MSH3: variants seen among roughly 807,000 people sequenced by gnomAD.
The protein encoded by MSH3 is DNA mismatch repair protein Msh3.
Under a neutral mutation model 123.3 loss-of-function variants are expected in MSH3, and 106 were observed. The ratio of observed to expected loss-of-function variants is 0.86; its 90% CI spans 0.73 to 1.01. The LOEUF (loss-of-function observed/expected upper bound fraction) is 1.01, where lower values mean the gene tolerates loss of function less well. MSH3 is among the 50% of genes least tolerant of loss of function. The pLI, the probability that MSH3 is intolerant of heterozygous loss-of-function variation, is 0.00. For missense variants in MSH3, 1,459 were observed against 1,347.6 expected (o/e 1.08, Z -1.29); for synonymous variants, 515 against 481.4 (o/e 1.07, Z -0.91).
chr5:80,753,023 C>T (rs1314411273), intron 12 of MSH3, among the ~76,000 whole-genome samples: 3 of 152,112 alleles, frequency 2.0e-5, no homozygotes, highest in Non-Finnish European at 2.9e-5. Flanking sequence ...GTTAGAGATA[C>T]AGGTAGGCTG....
At chr5:80,813,539 A>G (rs944697714) in intron 19 of MSH3, 45 bp from the exon 20 acceptor site, 1 of 1,606,534 alleles carries the variant, frequency 6.2e-7, no homozygotes, top group African/African-American at 1.3e-5. Context: ...GATATTATCA[A>G]AAACTTTTCT....
intron 19 of MSH3, among the ~76,000 whole-genome samples, chr5:80,799,096 T>C (rs1744747441): frequency 6.6e-6 from 1 of 152,198 alleles, no homozygotes; most frequent in Non-Finnish European, 1.5e-5. Context: ...TTGCTGGGCC[T>C]TAGTTTCCTC....
intron 8 of MSH3, among the ~76,000 whole-genome samples, chr5:80,723,655 A>T (rs1751134590): frequency 6.6e-6 from 1 of 152,274 alleles, no homozygotes; most frequent in South Asian, 2.1e-4. Context: ...GTTATGATAA[A>T]GTACCACTCA....
At chr5:80,708,355 G>A (rs537867854) in intron 8 of MSH3, among the ~76,000 whole-genome samples, 2 of 152,144 alleles carry the variant, frequency 1.3e-5, no homozygotes, top group African/African-American at 4.8e-5. Flanking sequence ...TTCTTTGTAC[G>A]TTTACCAGTT....
chr5:80,807,243 A>G (rs1241612799), intron 19 of MSH3, among the ~76,000 whole-genome samples: 6 of 152,006 alleles, frequency 3.9e-5, no homozygotes, highest in Admixed American at 3.9e-4. Context: ...TTTAAGTGAA[A>G]TGACATATAA....
chr5:80,869,686 A>G (rs962707902), intron 22 of MSH3, among the ~76,000 whole-genome samples: 1 of 151,468 alleles, frequency 6.6e-6, no homozygotes, highest in Non-Finnish European at 1.5e-5. Flanking sequence ...GAAATATTTT[A>G]TGTAAGTTAG....
intron 22 of MSH3, among the ~76,000 whole-genome samples, chr5:80,866,004 G>C (rs1384014537): frequency 6.6e-6 from 1 of 152,140 alleles, no homozygotes; most frequent in Non-Finnish European, 1.5e-5. Flanking sequence ...AAAACCCTTG[G>C]GACAAAGAGA....
chr5:80,682,060 C>T (rs1749981108), intron 8 of MSH3, among the ~76,000 whole-genome samples: 1 of 152,056 alleles, frequency 6.6e-6, no homozygotes, highest in Non-Finnish European at 1.5e-5. Flanking sequence ...TGATCATTTT[C>T]ACTTTATTTG....
chr5:80,720,332 C>G (rs1751053012), intron 8 of MSH3, among the ~76,000 whole-genome samples: 1 of 152,140 alleles, frequency 6.6e-6, no homozygotes, highest in Non-Finnish European at 1.5e-5. Context: ...GCTTTGCCCT[C>G]TTTGCCAACT....
Position 80,662,152 on chromosome 5 carries a change from ATACT to A in MSH3, c.359-2987_359-2984del, listed in dbSNP as rs767775846. Among the ~76,000 whole-genome samples, 20 of 152,350 alleles carry A rather than the reference ATACT, an allele frequency of 1.3e-4. No individual in the cohort carries two copies. In the South Asian group the frequency reaches 2.1e-3, roughly 16 times the overall value. ...TGTTTAAATATGTTTAGATACACAGATACTTACCATTGTGTTACAGTTGTCTCTA... is the reference window on the plus strand; with the variant it reads ...TGTTTAAATATGTTTAGATACACAGATACCATTGTGTTACAGTTGTCTCTA... On this transcript the variant is annotated intron_variant, in intron 2 of 23. Coordinates refer to ENST00000265081, the MANE Select transcript of MSH3 (RefSeq NM_002439.5).
At chr5:80,801,754 T>C (rs1744794391) in intron 19 of MSH3, among the ~76,000 whole-genome samples, 1 of 152,166 alleles carries the variant, frequency 6.6e-6, no homozygotes, top group Non-Finnish European at 1.5e-5. Flanking sequence ...GGGCCACATA[T>C]TCAAGCAATG....
At chr5:80,705,861 C>G (rs1750712214) in intron 8 of MSH3, among the ~76,000 whole-genome samples, 1 of 152,128 alleles carries the variant, frequency 6.6e-6, no homozygotes, top group South Asian at 2.1e-4. Flanking sequence ...ACCCTGATGG[C>G]CTCACTTTAA....
chr5:80,708,920 G>A (rs777824216), intron 8 of MSH3, among the ~76,000 whole-genome samples: 2 of 151,686 alleles, frequency 1.3e-5, no homozygotes, highest in South Asian at 4.2e-4. Context: ...GATTACAGGC[G>A]CCCACTACCA....
At chr5:80,755,938 T>C (rs1443939972) in intron 12 of MSH3, among the ~76,000 whole-genome samples, 1 of 152,160 alleles carries the variant, frequency 6.6e-6, no homozygotes, top group Admixed American at 6.6e-5. Context: ...AGATTTTCAG[T>C]TTCAATTTAT....
chr5:80,795,849 C>G (rs6881898), intron 19 of MSH3, among the ~76,000 whole-genome samples: 17,392 of 151,974 alleles, frequency 0.11, 1,419 homozygotes, highest in East Asian at 0.33. Context: ...CCTGTCTCTA[C>G]TAAACATAAA....
At chr5:80,824,726 T>G (rs1385767183) in intron 20 of MSH3, among the ~76,000 whole-genome samples, 1 of 152,220 alleles carries the variant, frequency 6.6e-6, no homozygotes, top group Non-Finnish European at 1.5e-5. Flanking sequence ...ATACATCTTT[T>G]CTTTTCTAAA....
chr5:80,770,206 C>T (rs939752359), intron 15 of MSH3, among the ~76,000 whole-genome samples: 1 of 152,052 alleles, frequency 6.6e-6, no homozygotes, highest in African/African-American at 2.4e-5. Context: ...ATCAGATGAT[C>T]AACACTGCTT....
At chr5:80,813,064 C>T (rs920640700) in intron 19 of MSH3, among the ~76,000 whole-genome samples, 8 of 152,168 alleles carry the variant, frequency 5.3e-5, no homozygotes, top group East Asian at 1.9e-4. Flanking sequence ...AATTCTGCCT[C>T]GTTCACATGC....
chr5:80,815,690 AT>A (rs1255552420), intron 20 of MSH3, among the ~76,000 whole-genome samples: 7 of 152,064 alleles, frequency 4.6e-5, no homozygotes, highest in Non-Finnish European at 8.8e-5. Context: ...TTTTTAAAAA[AT>A]TTTTTTAGGA....
Sources: allele counts gnomAD v4.1 joint callset (sites outside exome capture counted in the v4.1 genomes callset), GRCh38; gene constraint gnomAD v4.1.1; transcripts MANE v1.5; gene names NCBI Gene and HGNC (gene_info 2026-07-23, HGNC 2026-07-21).